Variants in NRG2 observed in about 807,000 individuals in gnomAD.
NRG2 encodes neuregulin 2, also known as pro-neuregulin-2, membrane-bound isoform.
A neutral mutation model predicts 73.9 loss-of-function variants in NRG2; 27 were observed. The ratio of observed to expected loss-of-function variants is 0.37; its 90% CI spans 0.27 to 0.50. The LOEUF (loss-of-function observed/expected upper bound fraction) is 0.50. Among genes scored for constraint, NRG2 ranks in the 20% least tolerant of loss-of-function variants. NRG2 has a pLI of 0.96. For missense variants in NRG2, 1,126 were observed against 1,210.1 expected, an observed-to-expected ratio of 0.93 and a Z score of 1.03; for synonymous variants, 532 against 541.0, an observed-to-expected ratio of 0.98 and a Z score of 0.23.
intron 1 of NRG2, among the ~76,000 whole-genome samples, chr5:139,928,077 C>A (rs934896077): frequency 2.6e-5 from 4 of 152,136 alleles, no homozygotes; most frequent in Admixed American, 2.6e-4. Flanking sequence ...CCCCACAGTC[C>A]CCAACCAACA....
intron 1 of NRG2, among the ~76,000 whole-genome samples, chr5:139,902,949 G>A (rs940358807): frequency 5.3e-5 from 8 of 152,172 alleles, no homozygotes; most frequent in Admixed American, 1.3e-4. Flanking sequence ...TAAAAAGAAG[G>A]AGAACACAGT....
intron 1 of NRG2, among the ~76,000 whole-genome samples, chr5:140,026,226 G>A (rs895780506): frequency 1.3e-5 from 2 of 152,238 alleles, no homozygotes; most frequent in African/African-American, 4.8e-5. Context: ...TCACAGATAG[G>A]TAGGGGCCAA....
intron 1 of NRG2, among the ~76,000 whole-genome samples, chr5:139,896,179 C>G (rs541807340): frequency 2.0e-5 from 3 of 152,300 alleles, no homozygotes; most frequent in South Asian, 4.1e-4. Flanking sequence ...GGGCCTCTTT[C>G]TGAGGGTCTG....
rs1764129781 is a variant in NRG2 at position 139,890,393 on chromosome 5, T to TC, written c.701-2883dup. Reference sequence around the variant, plus strand: ...ATTAACCTTTTGCTACAAAGTTTTTTCCCCTCAGTTACCTGCTTTTTTTAT... The same window carrying TC: ...ATTAACCTTTTGCTACAAAGTTTTTTCCCCCTCAGTTACCTGCTTTTTTTAT... On this transcript the variant is annotated intron_variant, in intron 1 of 9. Coordinates refer to ENST00000361474, the MANE Select transcript of NRG2 (RefSeq NM_004883.3). Among the ~76,000 whole-genome samples, 9 of 152,304 alleles carry TC rather than the reference T, an allele frequency of 5.9e-5. No individual in the cohort carries two copies. In the South Asian group the frequency reaches 1.9e-3, roughly 32 times the overall value.
chr5:139,983,249 T>A (rs922422116), intron 1 of NRG2, among the ~76,000 whole-genome samples: 2 of 152,224 alleles, frequency 1.3e-5, no homozygotes, highest in Non-Finnish European at 2.9e-5. Context: ...AAGGTGGCTG[T>A]GAGTTTGATT....
intron 1 of NRG2, among the ~76,000 whole-genome samples, chr5:139,921,249 T>C (rs1751638070): frequency 6.6e-6 from 1 of 152,232 alleles, no homozygotes; most frequent in Non-Finnish European, 1.5e-5. Context: ...TCAATAAACG[T>C]ATTCTAAAGT....
chr5:139,867,833 T>A (rs1762584497), intron 4 of NRG2, among the ~76,000 whole-genome samples: 1 of 145,972 alleles, frequency 6.9e-6, no homozygotes, highest in Admixed American at 6.9e-5. Flanking sequence ...TGTGTGTGTG[T>A]GTGACAGAGA....
At chr5:140,032,118 G>A (rs7723119) in intron 1 of NRG2, among the ~76,000 whole-genome samples, 102,653 of 152,036 alleles carry the variant, frequency 0.68, 35,738 homozygotes, top group African/African-American at 0.84. Context: ...GCTTACTACA[G>A]AAAAGGAACC....
intron 3 of NRG2, among the ~76,000 whole-genome samples, chr5:139,874,322 A>G (rs1467599549): frequency 4.6e-5 from 7 of 152,124 alleles, no homozygotes; most frequent in Non-Finnish European, 1.0e-4. Context: ...GGCTCACAGC[A>G]CCCCAAACTC....
intron 5 of NRG2, chr5:139,861,752 A>G (rs1355640271): frequency 1.9e-6 from 1 of 517,158 alleles, no homozygotes; most frequent in African/African-American, 1.9e-5. Flanking sequence ...TACAAACTTG[A>G]CAATTCTCAA....
chr5:139,886,274 C>A (rs1292415724), intron 2 of NRG2, among the ~76,000 whole-genome samples: 1 of 152,208 alleles, frequency 6.6e-6, no homozygotes, highest in Non-Finnish European at 1.5e-5. Context: ...ACTCCTTTAA[C>A]CTCTTTTACA....
intron 3 of NRG2, among the ~76,000 whole-genome samples, chr5:139,875,564 A>G (rs948279148): frequency 6.6e-6 from 1 of 152,220 alleles, no homozygotes; most frequent in African/African-American, 2.4e-5. Flanking sequence ...TCTTTTTGGT[A>G]GATTAAAGGA....
In NRG2 at chr5:139,851,963, G is replaced by C; in HGVS notation, c.1545-132C>G. ...TAGCTCAATGCCCTTCTCCACTCTG[G>C]GGTGATGTGTATTGTTGCAAATGCC... On this transcript the variant is annotated intron_variant, in intron 8 of 9. Coordinates refer to ENST00000361474, the MANE Select transcript of NRG2 (RefSeq NM_004883.3). The surrounding 1 kb of genome is among the most constrained non-coding windows in gnomAD (Gnocchi z 4.2). 1.4e-6 allele frequency: 1 copy of C among 729,426 alleles called. No homozygotes were observed. The highest frequency in any genetic ancestry group is 1.8e-5 in the South Asian group (1 of 55,092). 45.2% of individuals were successfully genotyped at this position (729,426 alleles called of 1,614,324 possible).
intron 1 of NRG2, among the ~76,000 whole-genome samples, chr5:139,919,623 T>C (rs990319581): frequency 6.6e-6 from 1 of 152,182 alleles, no homozygotes; most frequent in African/African-American, 2.4e-5. Flanking sequence ...AGACAGTCTC[T>C]GTCTTGAGGA....
intron 1 of NRG2, among the ~76,000 whole-genome samples, chr5:139,911,822 G>A (rs2431383): frequency 0.21 from 32,395 of 152,090 alleles, 4,596 homozygotes; most frequent in African/African-American, 0.4. Context: ...CTACATAATT[G>A]CACAGCAATA....
intron 1 of NRG2, among the ~76,000 whole-genome samples, chr5:140,021,889 C>A (rs143576873): frequency 5.4e-4 from 82 of 152,326 alleles, no homozygotes; most frequent in African/African-American, 1.8e-3. Flanking sequence ...ATCCCCAGCC[C>A]TCGGTTCTTT....
rs747208375 is a variant in NRG2 at position 139,865,098 on chromosome 5, A to G, written c.1189+451T>C. 18 of 1,608,134 alleles carry G rather than the reference A, an allele frequency of 1.1e-5. No individual in the cohort carries two copies. On this transcript the variant is annotated intron_variant, in intron 5 of 9. Transcript: ENST00000361474. The surrounding 1 kb of genome is among the most constrained non-coding windows in gnomAD (Gnocchi z 5.2). ...TCAGTCACCAGGGAAGAGAAGAAAT[A>G]GAAGAAAGAGACATACTGGAGAAGT... is the stretch of plus-strand genomic sequence containing the variant.
chr5:139,877,900 G>A (rs971019066), intron 3 of NRG2, among the ~76,000 whole-genome samples: 3 of 152,182 alleles, frequency 2.0e-5, no homozygotes, highest in Non-Finnish European at 2.9e-5. Context: ...CTGCCCTGCC[G>A]CTGCCCTGGA....
chr5:139,918,564 T>C (rs751614343), intron 1 of NRG2, among the ~76,000 whole-genome samples: 35 of 152,112 alleles, frequency 2.3e-4, no homozygotes, highest in Non-Finnish European at 2.5e-4. Context: ...GGGTCCAAGA[T>C]GTGGTTAGTA....
Sources: gnomAD v4.1 joint callset for allele counts (sites outside exome capture counted in the v4.1 genomes callset) on GRCh38, gnomAD v4.1.1 for gene constraint, Gnocchi (gnomAD v3.1) non-coding constraint, MANE v1.5 for transcripts, NCBI Gene and HGNC (gene_info 2026-07-23, HGNC 2026-07-21) for gene names.